The following CADM2 variants were observed in gnomAD, a reference collection of about 807,000 sequenced individuals.
CADM2 encodes the protein immunoglobulin superfamily member 4D.
CADM2 carries 12 observed loss-of-function variants against 49.8 expected under a neutral mutation model. That is an observed-to-expected ratio of 0.24 (90% CI 0.15 to 0.39). The LOEUF (loss-of-function observed/expected upper bound fraction) is 0.39. Ranked by LOEUF, CADM2 falls within the 10% of genes least tolerant of loss-of-function variation. The probability of loss-of-function intolerance (pLI) is 1.00; values close to 1 mark genes in which losing one functional copy is unlikely to be tolerated. For missense variants in CADM2, 378 were observed against 492.3 expected (o/e 0.77, Z 2.20); for synonymous variants, 214 against 175.4 (o/e 1.22, Z -1.74).
chr3:85,933,756 C>T (rs1720875410), intron 6 of CADM2, among the ~76,000 whole-genome samples: 1 of 152,056 alleles, frequency 6.6e-6, no homozygotes, highest in South Asian at 2.1e-4. Context: ...TCTCAGGATC[C>T]AGACCCAGAA....
chr3:85,343,708 T>G (rs2030211371), intron 1 of CADM2, among the ~76,000 whole-genome samples: 1 of 152,188 alleles, frequency 6.6e-6, no homozygotes, highest in African/African-American at 2.4e-5. Context: ...CAGTGTCTAC[T>G]AAGGCAGTTC....
intron 2 of CADM2, among the ~76,000 whole-genome samples, chr3:85,784,584 C>T (rs60256045): frequency 7.3e-5 from 11 of 149,954 alleles, no homozygotes; most frequent in African/African-American, 1.2e-4. Context: ...CTATCTAACA[C>T]GTTTGGTTTC....
chr3:85,103,769 C>A (rs371260121), intron 1 of CADM2, among the ~76,000 whole-genome samples: 1 of 152,098 alleles, frequency 6.6e-6, no homozygotes, highest in Admixed American at 6.6e-5. Context: ...TATTCCAGAA[C>A]GTGAGTACTT....
intron 1 of CADM2, among the ~76,000 whole-genome samples, chr3:85,411,821 A>T (rs1294586918): frequency 6.6e-6 from 1 of 152,104 alleles, no homozygotes; most frequent in African/African-American, 2.4e-5. Context: ...TCATTTCATG[A>T]ACGATGTCAT....
intron 1 of CADM2, among the ~76,000 whole-genome samples, chr3:84,991,010 C>A (rs898164162): frequency 6.6e-6 from 1 of 151,970 alleles, no homozygotes. Context: ...CAAAAGAACC[C>A]TATCACAACT....
chr3:85,953,276 T>C (rs995924505), intron 7 of CADM2, among the ~76,000 whole-genome samples: 8 of 151,102 alleles, frequency 5.3e-5, no homozygotes, highest in African/African-American at 1.9e-4. Flanking sequence ...TGCCTTTTGC[T>C]TTTATTACTC....
intron 1 of CADM2, among the ~76,000 whole-genome samples, chr3:85,099,815 C>T (rs765492840): frequency 2.0e-5 from 3 of 152,150 alleles, no homozygotes; most frequent in African/African-American, 4.8e-5. Flanking sequence ...CATGGCTATA[C>T]ACTAGCGATG....
intron 8 of CADM2, among the ~76,000 whole-genome samples, chr3:86,011,291 A>C (rs1731478157): frequency 6.6e-6 from 1 of 152,156 alleles, no homozygotes; most frequent in Non-Finnish European, 1.5e-5. Flanking sequence ...CTAATCTTTA[A>C]AAAGTAAGTT....
intron 1 of CADM2, among the ~76,000 whole-genome samples, chr3:85,712,491 G>T (rs1318204210): frequency 6.6e-6 from 1 of 152,088 alleles, no homozygotes; most frequent in Non-Finnish European, 1.5e-5. Flanking sequence ...AACTTCCAAA[G>T]AAATTTTCCA....
intron 1 of CADM2, among the ~76,000 whole-genome samples, chr3:85,293,872 C>G (rs2043874630): frequency 6.6e-6 from 1 of 151,114 alleles, no homozygotes; most frequent in African/African-American, 2.4e-5. Context: ...CCTTTGAAAA[C>G]TGGCACAAGA....
At chr3:85,181,840 C>G (rs1284817174) in intron 1 of CADM2, among the ~76,000 whole-genome samples, 1 of 149,370 alleles carries the variant, frequency 6.7e-6, no homozygotes, top group Admixed American at 6.7e-5. Context: ...TTTAAATATA[C>G]TTTTTAAAAA....
chr3:85,944,241 G>A (rs867502340), intron 7 of CADM2, among the ~76,000 whole-genome samples: 3 of 151,820 alleles, frequency 2.0e-5, no homozygotes, highest in South Asian at 2.1e-4. Flanking sequence ...ATATATATGC[G>A]CCCAATACAG....
Position 85,744,625 on chromosome 3 carries a change from A to T in CADM2, c.88+18077A>T, listed in dbSNP as rs577760552. Among the ~76,000 whole-genome samples the T allele has an allele frequency of 1.1e-3, 172 of 152,316 alleles. 1 individual carries two copies. Among genetic ancestry groups the T allele is most frequent in the Non-Finnish European group, 1.5e-3 (105 of 68,022 alleles). On this transcript the variant is annotated intron_variant, in intron 2 of 9. Transcript: ENST00000383699. ...GACAGAATGAAGGTGGGGAGGGAGC[A>T]GCCATGAGGCTATTGGGGGATGAGC...
At chr3:86,051,803 C>G (rs1259950573) in intron 8 of CADM2, among the ~76,000 whole-genome samples, 1 of 152,136 alleles carries the variant, frequency 6.6e-6, no homozygotes, top group Non-Finnish European at 1.5e-5. Context: ...AACTCACTCA[C>G]TCACTATCGT....
intron 8 of CADM2, among the ~76,000 whole-genome samples, chr3:86,062,344 C>T (rs1182063324): frequency 1.3e-5 from 2 of 151,910 alleles, no homozygotes; most frequent in East Asian, 1.9e-4. Flanking sequence ...GATTTATGGG[C>T]AATGATAGAA....
intron 8 of CADM2, among the ~76,000 whole-genome samples, chr3:85,986,379 T>A (rs1728110556): frequency 6.6e-6 from 1 of 152,090 alleles, no homozygotes; most frequent in Non-Finnish European, 1.5e-5. Context: ...ATATATCATC[T>A]TGACACAGTT....
intron 8 of CADM2, among the ~76,000 whole-genome samples, chr3:86,043,701 A>AAAAAACT (rs1272877121): frequency 2.0e-5 from 3 of 152,192 alleles, no homozygotes; most frequent in Non-Finnish European, 4.4e-5. Flanking sequence ...ACAGAATTGG[A>AAAAAACT]AAAAACTACT....
intron 1 of CADM2, among the ~76,000 whole-genome samples, chr3:85,229,863 A>G (rs2042248451): frequency 6.6e-6 from 1 of 152,144 alleles, no homozygotes; most frequent in African/African-American, 2.4e-5. Context: ...TAATGACTAC[A>G]TTTTGATTCT....
At chr3:85,235,196 G>C (rs986219331) in intron 1 of CADM2, among the ~76,000 whole-genome samples, 1 of 152,052 alleles carries the variant, frequency 6.6e-6, no homozygotes, top group East Asian at 1.9e-4. Flanking sequence ...ATTTCATGTA[G>C]ATGGTTTTTT....
Sources: gnomAD v4.1 joint callset for allele counts (sites outside exome capture counted in the v4.1 genomes callset) on GRCh38, gnomAD v4.1.1 for gene constraint, MANE v1.5 for transcripts, NCBI Gene and HGNC (gene_info 2026-07-23, HGNC 2026-07-21) for gene names.